ARHGEF7: variants seen among roughly 807,000 people sequenced by gnomAD.
ARHGEF7 encodes Rho guanine nucleotide exchange factor 7.
ARHGEF7 carries 33 observed loss-of-function variants against 109.8 expected under a neutral mutation model. The observed-to-expected ratio is 0.30, with a 90% CI of 0.23 to 0.40. ARHGEF7 has a LOEUF of 0.40. ARHGEF7 is among the 10% of genes least tolerant of loss of function. The probability of loss-of-function intolerance (pLI) is 1.00; values close to 1 mark genes in which losing one functional copy is unlikely to be tolerated. For missense variants in ARHGEF7, 938 were observed against 1,098.5 expected (o/e 0.85, Z 2.07); for synonymous variants, 458 against 424.6 (o/e 1.08, Z -0.97).
chr13:111,295,288 C>T, intron 19 of ARHGEF7: 1 of 778,826 alleles, frequency 1.3e-6, no homozygotes, highest in Non-Finnish European at 1.6e-6. Context: ...GAACATCTTC[C>T]AAAGGCAGGC....
chr13:111,197,531 A>G lies in ARHGEF7; in HGVS notation c.253-7758A>G, dbSNP rs975621036. Among the ~76,000 whole-genome samples the G allele has an allele frequency of 2.0e-5, 3 of 152,208 alleles. No homozygotes were observed. The East Asian group carries it at 5.8e-4, about 29-fold the overall frequency. On this transcript the variant is annotated intron_variant, in intron 2 of 21. Transcript: ENST00000646102. ...AGTATTGGGACTTTACTTGTGTCCT[A>G]TAAAGATGTTATGCCCCCAAAATGA...
intron 2 of ARHGEF7, among the ~76,000 whole-genome samples, chr13:111,170,035 A>T: frequency 6.6e-6 from 1 of 150,506 alleles, no homozygotes; most frequent in South Asian, 2.1e-4. Flanking sequence ...GTGATCAGAG[A>T]AGGCCCCTCT....
intron 15 of ARHGEF7, chr13:111,282,873 T>C: frequency 1.8e-6 from 1 of 559,318 alleles, no homozygotes; most frequent in East Asian, 3.0e-5. Flanking sequence ...GGATGTCTTT[T>C]GAGTGCTGGG....
chr13:111,256,288 A>G (rs1234079055), intron 8 of ARHGEF7, among the ~76,000 whole-genome samples: 1 of 152,258 alleles, frequency 6.6e-6, no homozygotes, highest in Non-Finnish European at 1.5e-5. Flanking sequence ...AGGAAGCTTT[A>G]TAAATGGCAT....
intron 3 of ARHGEF7, 86 bp from the exon 4 acceptor site, chr13:111,209,786 C>T (rs2082280656): frequency 6.7e-7 from 1 of 1,491,452 alleles, no homozygotes; most frequent in Non-Finnish European, 9.1e-7. Context: ...CTCTGTGCTG[C>T]CCTAGTTTTA....
At position 111,280,367 on chromosome 13, in the gene ARHGEF7, G is replaced by A; in HGVS notation, c.1585+17G>A. The A allele has an allele frequency of 6.2e-7, 1 of 1,610,594 alleles. No homozygotes were observed. Among genetic ancestry groups the A allele is most frequent in the Non-Finnish European group, 8.5e-7 (1 of 1,177,672 alleles). Reference sequence around the variant, plus strand: ...AAATATCAGGTGATAGGCACAAGCTGTGTGAGTGCTGTGTCTCGGGGAGGA... The same window carrying A: ...AAATATCAGGTGATAGGCACAAGCTATGTGAGTGCTGTGTCTCGGGGAGGA... On this transcript the variant is annotated intron_variant, in intron 14 of 21. Transcript: ENST00000646102.
chr13:111,279,214 C>G (rs2092654070), intron 13 of ARHGEF7, among the ~76,000 whole-genome samples: 3 of 152,236 alleles, frequency 2.0e-5, no homozygotes, highest in East Asian at 3.8e-4. Flanking sequence ...TTTAAATACG[C>G]TTGGCCACAG....
intron 6 of ARHGEF7, among the ~76,000 whole-genome samples, chr13:111,238,807 T>A (rs9522169): frequency 0.1 from 15,168 of 152,124 alleles, 970 homozygotes; most frequent in Non-Finnish European, 0.15. Context: ...GAAGACACAG[T>A]CCTTATGGCC....
chr13:111,120,504 GACACGCAC>G (rs71127995), intron 1 of ARHGEF7, among the ~76,000 whole-genome samples: 19,409 of 151,984 alleles, frequency 0.13, 1,441 homozygotes, highest in East Asian at 0.22. Context: ...CGTGTACATA[GACACGCAC>G]ACACGCACAC....
chr13:111,165,572 G>C (rs1307130382), intron 2 of ARHGEF7, among the ~76,000 whole-genome samples: 1 of 152,166 alleles, frequency 6.6e-6, no homozygotes, highest in Non-Finnish European at 1.5e-5. Flanking sequence ...AGGAACAAGC[G>C]TTCTGGTTTG....
Position 111,255,158 on chromosome 13 carries a change from T to A in ARHGEF7, c.950+10864T>A, listed in dbSNP as rs1195838845. Among the ~76,000 whole-genome samples the A allele has an allele frequency of 9.1e-5, 13 of 142,650 alleles. No homozygotes were observed. Among genetic ancestry groups the A allele is most frequent in the Admixed American group, 9.1e-4 (13 of 14,276 alleles). 93.6% of individuals were successfully genotyped at this position (142,650 alleles called of 152,430 possible). ...CGTGAAGGCCGGGCCCAGAAGAGGA[T>A]TCGGGCTAAGGCGCTGAGTCGCTAA... On this transcript the variant is annotated intron_variant, in intron 8 of 21. Transcript: ENST00000646102. This position sits in a 1 kb window ranked among gnomAD's most constrained non-coding sequence, Gnocchi z 4.1.
rs2091672632 is a variant in ARHGEF7 at position 111,266,693 on chromosome 13, C to T, written c.951-855C>T. ...AATCCCTGGTGTTCATGTTTTTGGT[C>T]ACTTTTTCTCTGGCTCCCATTCCCT... On this transcript the variant is annotated intron_variant, in intron 8 of 21. Coordinates refer to ENST00000646102, the MANE Select transcript of ARHGEF7 (RefSeq NM_001354046.2). This position sits in a 1 kb window ranked among gnomAD's most constrained non-coding sequence, Gnocchi z 4.8. 2 of 399,390 alleles carry T rather than the reference C, an allele frequency of 5.0e-6. No homozygotes were observed. Among genetic ancestry groups the T allele is most frequent in the South Asian group, 1.8e-5 (1 of 56,018 alleles). 24.7% of individuals were successfully genotyped at this position (399,390 alleles called of 1,614,324 possible).
In ARHGEF7 at chr13:111,248,151, T is replaced by A. The variant is rs115640698; in HGVS notation, c.950+3857T>A. 7.1e-3 allele frequency among the ~76,000 whole-genome samples: 1,089 copies of A among 152,314 alleles called. 12 individuals carry two copies. Among genetic ancestry groups the A allele is most frequent in the African/African-American group, 0.025 (1,052 of 41,552 alleles). On this transcript the variant is annotated intron_variant, in intron 8 of 21. Coordinates refer to ENST00000646102, the MANE Select transcript of ARHGEF7 (RefSeq NM_001354046.2). ...GCTGCCTTCGTTCCTGAAGATTTTT[T>A]TTTTTCCCATGGATACTGAACTCTG...
chr13:111,230,766 C>T (rs2085934552), intron 5 of ARHGEF7, among the ~76,000 whole-genome samples: 1 of 152,242 alleles, frequency 6.6e-6, no homozygotes, highest in Admixed American at 6.5e-5. Flanking sequence ...TTCTGGGGAA[C>T]GTGATCTTGA....
chr13:111,233,353 A>T (rs999624335), intron 6 of ARHGEF7, 60 bp downstream of exon 6: 156 of 1,281,828 alleles, frequency 1.2e-4, no homozygotes, highest in Middle Eastern at 9.1e-4. Flanking sequence ...AAAACTCAGC[A>T]ATGTAGAATG....
chr13:111,220,242 C>T (rs1292270463), intron 5 of ARHGEF7, among the ~76,000 whole-genome samples: 1 of 152,188 alleles, frequency 6.6e-6, no homozygotes, highest in African/African-American at 2.4e-5. Flanking sequence ...GGAAGGAGGA[C>T]CTCGTTCGTT....
rs530509324 is a variant in ARHGEF7 at position 111,203,125 on chromosome 13, G to T, written c.253-2164G>T. ...TGCCTTGCCACTATGAAGGTTAGTA[G>T]AAATTTATGTATGTATTTCTTTTTG... On this transcript the variant is annotated intron_variant, in intron 2 of 21. Transcript: ENST00000646102. 19 of 1,275,094 alleles carry T rather than the reference G, an allele frequency of 1.5e-5. No homozygotes were observed. In the East Asian group the frequency reaches 1.1e-3, roughly 72 times the overall value. The allele number at this position is 1,275,094 out of a possible 1,614,324, so 79.0% of individuals were successfully genotyped here. A position where few individuals can be genotyped will look rare whatever the true frequency, so the allele number is the denominator to read the frequency against.
chr13:111,301,867 G>A (rs2093576930), intron 21 of ARHGEF7, among the ~76,000 whole-genome samples: 1 of 152,176 alleles, frequency 6.6e-6, no homozygotes, highest in African/African-American at 2.4e-5. Context: ...ACTCCAGTCT[G>A]AGCCACAGAG....
At chr13:111,242,880 C>T (rs1022632132) in intron 6 of ARHGEF7, among the ~76,000 whole-genome samples, 8 of 152,212 alleles carry the variant, frequency 5.3e-5, no homozygotes, top group South Asian at 4.1e-4. Flanking sequence ...GGTGCCTTCT[C>T]GTCCCACCCT....
Sources: allele counts gnomAD v4.1 joint callset (sites outside exome capture counted in the v4.1 genomes callset), GRCh38; gene constraint gnomAD v4.1.1; non-coding constraint Gnocchi (gnomAD v3.1); transcripts MANE v1.5; gene names NCBI Gene and HGNC (gene_info 2026-07-23, HGNC 2026-07-21).